Variants in SLIT3 observed in about 807,000 individuals in gnomAD.
SLIT3 encodes slit homolog 3 protein.
In SLIT3, 68 loss-of-function variants were observed where a neutral mutation model predicts 184.0. The ratio of observed to expected loss-of-function variants is 0.37; its 90% CI spans 0.30 to 0.45. The LOEUF (loss-of-function observed/expected upper bound fraction) is 0.45, where lower values mean the gene tolerates loss of function less well. Ranked by LOEUF, SLIT3 falls within the 20% of genes least tolerant of loss-of-function variation. The pLI, the probability that SLIT3 is intolerant of heterozygous loss-of-function variation, is 1.00. For synonymous variants in SLIT3, 831 were observed against 828.6 expected (o/e 1.00, Z -0.05); for missense variants, 1,707 against 2,026.0 (o/e 0.84, Z 3.02).
chr5:168,774,016 G>C (rs886883054), intron 13 of SLIT3, among the ~76,000 whole-genome samples: 1 of 152,198 alleles, frequency 6.6e-6, no homozygotes, highest in Admixed American at 6.5e-5. Context: ...TGAGGCTTAA[G>C]GGTTTTAAGA....
intron 4 of SLIT3, among the ~76,000 whole-genome samples, chr5:169,054,062 G>A (rs1757904407): frequency 6.6e-6 from 1 of 151,998 alleles, no homozygotes; most frequent in Non-Finnish European, 1.5e-5. Context: ...CTGCACTCCA[G>A]CCTGGTTGAC....
intron 4 of SLIT3, among the ~76,000 whole-genome samples, chr5:169,051,925 C>G (rs566818249): frequency 6.6e-6 from 1 of 152,264 alleles, no homozygotes; most frequent in East Asian, 1.9e-4. Context: ...CCCAAACCAA[C>G]CTACAGAATC....
chr5:168,958,958 AG>A (rs1012836043), intron 4 of SLIT3, among the ~76,000 whole-genome samples: 1 of 152,238 alleles, frequency 6.6e-6, no homozygotes, highest in Non-Finnish European at 1.5e-5. Flanking sequence ...TGTGTGCTAC[AG>A]GGGGCTCCCC....
intron 5 of SLIT3, among the ~76,000 whole-genome samples, chr5:168,870,097 AT>A (rs1759457739): frequency 6.6e-6 from 1 of 152,224 alleles, no homozygotes; most frequent in African/African-American, 2.4e-5. Context: ...AGAGACCCAC[AT>A]GTACCATGAG....
At chr5:169,008,982 TTAAG>T (rs1411561006) in intron 4 of SLIT3, among the ~76,000 whole-genome samples, 1 of 152,168 alleles carries the variant, frequency 6.6e-6, no homozygotes, top group Non-Finnish European at 1.5e-5. Context: ...AGTTCAGAGA[TTAAG>T]TAATTTGTGT....
chr5:168,973,100 G>C (rs932549129), intron 4 of SLIT3, among the ~76,000 whole-genome samples: 1 of 146,956 alleles, frequency 6.8e-6, no homozygotes, highest in African/African-American at 2.6e-5. Context: ...GGCAATAATG[G>C]GACAAAGACC....
intron 3 of SLIT3, among the ~76,000 whole-genome samples, chr5:169,197,751 C>G (rs1763783825): frequency 6.6e-6 from 1 of 152,032 alleles, no homozygotes; most frequent in South Asian, 2.1e-4. Context: ...CTAGGTATTC[C>G]CTCTCCCACT....
intron 4 of SLIT3, among the ~76,000 whole-genome samples, chr5:168,886,115 T>C (rs912046638): frequency 3.3e-5 from 5 of 152,246 alleles, no homozygotes; most frequent in African/African-American, 9.6e-5. Flanking sequence ...AACAGTAGAT[T>C]GTAGGGAATT....
chr5:169,158,974 A>C (rs1762392187), intron 4 of SLIT3, among the ~76,000 whole-genome samples: 1 of 152,258 alleles, frequency 6.6e-6, no homozygotes, highest in Non-Finnish European at 1.5e-5. Context: ...AATGGTCTAA[A>C]TATGCCAATT....
At chr5:169,269,393 C>T (rs973175315) in intron 1 of SLIT3, among the ~76,000 whole-genome samples, 1 of 152,240 alleles carries the variant, frequency 6.6e-6, no homozygotes, top group African/African-American at 2.4e-5. Context: ...TCCACCTTTA[C>T]TGACATGAGA....
intron 4 of SLIT3, among the ~76,000 whole-genome samples, chr5:168,904,666 G>A (rs186016512): frequency 6.6e-6 from 1 of 152,110 alleles, no homozygotes; most frequent in Non-Finnish European, 1.5e-5. Flanking sequence ...CGTCAGGAAG[G>A]TGAACTGCTA....
At chr5:168,907,797 T>A (rs888180304) in intron 4 of SLIT3, among the ~76,000 whole-genome samples, 1 of 151,392 alleles carries the variant, frequency 6.6e-6, no homozygotes, top group Non-Finnish European at 1.5e-5. Context: ...TACATACACA[T>A]GTATGTGTGT....
chr5:169,185,874 T>C (rs1251133639), intron 4 of SLIT3, among the ~76,000 whole-genome samples: 1 of 152,212 alleles, frequency 6.6e-6, no homozygotes, highest in Non-Finnish European at 1.5e-5. Flanking sequence ...TGGGCTCTGG[T>C]GTCAGGCAAG....
intron 4 of SLIT3, among the ~76,000 whole-genome samples, chr5:168,914,838 G>A (rs886838195): frequency 6.6e-6 from 1 of 152,092 alleles, no homozygotes; most frequent in African/African-American, 2.4e-5. Context: ...AAGAACACAT[G>A]CCCCATCTGA....
chr5:168,974,090 A>T (rs1262563873), intron 4 of SLIT3, among the ~76,000 whole-genome samples: 1 of 152,136 alleles, frequency 6.6e-6, no homozygotes, highest in African/African-American at 2.4e-5. Flanking sequence ...CTACCTATCT[A>T]CCTACCCATC....
At chr5:169,052,527 T>C (rs1218234228) in intron 4 of SLIT3, among the ~76,000 whole-genome samples, 5 of 152,238 alleles carry the variant, frequency 3.3e-5, no homozygotes, top group Middle Eastern at 6.8e-3. Flanking sequence ...AGAAAGCTTG[T>C]TAAAGGCAGC....
chr5:169,049,321 T>A (rs1757739013), intron 4 of SLIT3, among the ~76,000 whole-genome samples: 2 of 152,138 alleles, frequency 1.3e-5, no homozygotes, highest in Admixed American at 6.6e-5. Flanking sequence ...AGGGGGTTCC[T>A]CCAAAATAAG....
intron 10 of SLIT3, 121 bp from the exon 11 acceptor site, chr5:168,789,752 A>G: frequency 1.3e-6 from 1 of 746,324 alleles, no homozygotes; most frequent in Non-Finnish European, 2.3e-6. Context: ...TCAATCAAGC[A>G]ATTCATTTAC....
At chr5:169,072,120 T>C (rs1561644307) in intron 4 of SLIT3, among the ~76,000 whole-genome samples, 1 of 152,124 alleles carries the variant, frequency 6.6e-6, no homozygotes, top group South Asian at 2.1e-4. Flanking sequence ...CATGCAAGTA[T>C]TGCATCAAAT....
Sources: gnomAD v4.1 joint callset for allele counts (sites outside exome capture counted in the v4.1 genomes callset) on GRCh38, gnomAD v4.1.1 for gene constraint, MANE v1.5 for transcripts, NCBI Gene and HGNC (gene_info 2026-07-23, HGNC 2026-07-21) for gene names.